TTLL5: variants seen among roughly 807,000 people sequenced by gnomAD.
TTLL5 encodes the protein tubulin tyrosine ligase like 5, also known as tubulin polyglutamylase TTLL5.
Under a neutral mutation model 168.4 loss-of-function variants are expected in TTLL5, and 132 were observed. That is an observed-to-expected ratio of 0.78 (90% CI 0.68 to 0.91). TTLL5 has a LOEUF of 0.91. TTLL5 is among the 40% of genes least tolerant of loss of function. The pLI, the probability that TTLL5 is intolerant of heterozygous loss-of-function variation, is 0.00. For synonymous variants in TTLL5, 546 were observed against 558.6 expected (o/e 0.98, Z 0.32); for missense variants, 1,545 against 1,581.5 (o/e 0.98, Z 0.39).
rs1431631914 is a variant in TTLL5 at position 75,776,903 on chromosome 14, C to G, written c.2387+53C>G. On this transcript the variant is annotated intron_variant, in intron 23 of 31. Coordinates refer to ENST00000298832, the MANE Select transcript of TTLL5 (RefSeq NM_015072.5). Reference sequence around the variant, plus strand: ...CTGTCTTATTCCATCTTCCATAATGCTCATTGAGTACCCAGCATTCCTTTG... The same window carrying G: ...CTGTCTTATTCCATCTTCCATAATGGTCATTGAGTACCCAGCATTCCTTTG... 2.5e-5 allele frequency: 35 copies of G among 1,377,580 alleles called. No individual in the cohort carries two copies. The East Asian group carries it at 8.1e-4, about 32-fold the overall frequency. 85.3% of individuals were successfully genotyped at this position (1,377,580 alleles called of 1,614,324 possible).
intron 28 of TTLL5, among the ~76,000 whole-genome samples, chr14:75,861,594 A>G (rs572477736): frequency 6.6e-6 from 1 of 152,300 alleles, no homozygotes. Flanking sequence ...TTAAATCACT[A>G]TGAATACTTT....
intron 3 of TTLL5, among the ~76,000 whole-genome samples, chr14:75,680,160 AAG>A (rs1884491610): frequency 6.6e-6 from 1 of 152,214 alleles, no homozygotes; most frequent in African/African-American, 2.4e-5. Flanking sequence ...GGTGCATAGA[AAG>A]AGATTGAATT....
At chr14:75,883,789 G>A (rs1201582293) in intron 30 of TTLL5, among the ~76,000 whole-genome samples, 2 of 152,246 alleles carry the variant, frequency 1.3e-5, no homozygotes, top group African/African-American at 4.8e-5. Flanking sequence ...GTTCTGGGAA[G>A]AGCTGGCATT....
rs773979011 is a variant in TTLL5 at position 75,775,652 on chromosome 14, T to C, written c.2283+22T>C. The C allele has an allele frequency of 5.6e-6, 9 of 1,613,210 alleles. No homozygotes were observed. The South Asian group carries it at 7.7e-5, about 14-fold the overall frequency. On this transcript the variant is annotated intron_variant, in intron 22 of 31. Transcript: ENST00000298832. ...CAAGGTAAGTCTTTTTCTGTTAGTC[T>C]TGTGCTTTGGATTGCCATACACTGT...
chr14:75,941,251 A>T (rs965541009), intron 31 of TTLL5, among the ~76,000 whole-genome samples: 1 of 152,170 alleles, frequency 6.6e-6, no homozygotes, highest in Non-Finnish European at 1.5e-5. Context: ...GCAAGGTTTC[A>T]TGAAATGGAT....
At chr14:75,791,387 A>G (rs1024094234) in intron 26 of TTLL5, among the ~76,000 whole-genome samples, 6 of 152,186 alleles carry the variant, frequency 3.9e-5, no homozygotes. Flanking sequence ...TTTCAGCTGT[A>G]TTTATCTAGG....
intron 18 of TTLL5, among the ~76,000 whole-genome samples, chr14:75,754,512 T>C (rs892170562): frequency 2.6e-5 from 4 of 152,184 alleles, no homozygotes; most frequent in Non-Finnish European, 4.4e-5. Flanking sequence ...GATCTTTCTA[T>C]ACTTGAATTT....
intron 30 of TTLL5, among the ~76,000 whole-genome samples, chr14:75,889,842 AAAG>A (rs201514910): frequency 0.027 from 2,857 of 106,852 alleles, 128 homozygotes; most frequent in African/African-American, 0.069. Context: ...AAAAAAAAAA[AAAG>A]AGGAAGGAAG....
At chr14:75,663,311 C>A (rs969272011) in intron 2 of TTLL5, 88 bp downstream of exon 2, 1 of 1,264,112 alleles carries the variant, frequency 7.9e-7, no homozygotes, top group Admixed American at 2.1e-5. Context: ...ATACTCTTCT[C>A]TTTTACTTAT....
intron 29 of TTLL5, among the ~76,000 whole-genome samples, chr14:75,870,235 G>T (rs1035753412): frequency 6.6e-6 from 1 of 150,486 alleles, no homozygotes; most frequent in Non-Finnish European, 1.5e-5. Flanking sequence ...CTGCACTTAG[G>T]CCTAGACGTC....
chr14:75,726,951 T>C (rs1277252700), intron 12 of TTLL5, among the ~76,000 whole-genome samples: 1 of 152,194 alleles, frequency 6.6e-6, no homozygotes, highest in East Asian at 1.9e-4. Context: ...TTACTAGCAA[T>C]GACTGACTTA....
rs1890864288 is a variant in TTLL5, at chr14:75,663,184, C to G, written c.35C>G (p.Thr12Arg). 2 of 1,613,574 alleles carry G rather than the reference C, an allele frequency of 1.2e-6. No homozygotes were observed. Among genetic ancestry groups the G allele is most frequent in the African/African-American group, 1.3e-5 (1 of 74,910 alleles). ...GTGATGGCCCGGGACCTGGAGGAAA[C>G]AGCATCATCCTCAGAGGATGAGGAG... ...PIVMARDLEE[T>R]ASSSEDEEVI... is the part of the protein sequence containing the mutation. Residue 12 changes from threonine to arginine, a missense_variant, in exon 2 of 32, where the codon ACA (threonine) becomes AGA (arginine). By Grantham distance (71) the Thr-to-Arg change is moderately conservative (BLOSUM62 -1). Coordinates refer to ENST00000298832, the MANE Select transcript of TTLL5 (RefSeq NM_015072.5).
intron 31 of TTLL5, among the ~76,000 whole-genome samples, chr14:75,914,041 T>A (rs867988992): frequency 0.013 from 676 of 51,252 alleles, 38 homozygotes; most frequent in African/African-American, 0.039. Flanking sequence ...AAAATATATA[T>A]ATATATATAT....
chr14:75,934,472 A>G (rs752428255), intron 31 of TTLL5, among the ~76,000 whole-genome samples: 10 of 152,232 alleles, frequency 6.6e-5, no homozygotes, highest in Non-Finnish European at 1.3e-4. Context: ...GATTGTTATG[A>G]TCTGTAAGAT....
At chr14:75,826,463 T>C (rs1235471860) in intron 28 of TTLL5, among the ~76,000 whole-genome samples, 1 of 151,568 alleles carries the variant, frequency 6.6e-6, no homozygotes, top group African/African-American at 2.4e-5. Flanking sequence ...AAAAAAAGAG[T>C]ATGTAAGGAT....
At chr14:75,683,804 C>T (rs1267572847) in intron 5 of TTLL5, 148 bp downstream of exon 5, 17 of 541,124 alleles carry the variant, frequency 3.1e-5, no homozygotes, top group South Asian at 2.0e-4. Context: ...AGATGAGTAT[C>T]GCTCTGTCAC....
intron 3 of TTLL5, among the ~76,000 whole-genome samples, chr14:75,678,973 T>C (rs1280999407): frequency 6.6e-6 from 1 of 152,260 alleles, no homozygotes; most frequent in Non-Finnish European, 1.5e-5. Context: ...TTATAGTTTT[T>C]GTAAAATGGT....
At chr14:75,753,506 T>C (rs558598285) in intron 18 of TTLL5, among the ~76,000 whole-genome samples, 1 of 152,188 alleles carries the variant, frequency 6.6e-6, no homozygotes, top group Non-Finnish European at 1.5e-5. Context: ...ATAACTGCAT[T>C]GCAGTACAGT....
rs1221480062 is a variant in TTLL5 at position 75,716,081 on chromosome 14, C to CGGGG, written c.741-1779_741-1776dup. ...GTCTGGCTGAGGCAGGCAGCCAGCA[C>CGGGG]GGGGCCCCTTTGCATCTCACAAGAA... On this transcript the variant is annotated intron_variant, in intron 9 of 31. Coordinates refer to ENST00000298832, the MANE Select transcript of TTLL5 (RefSeq NM_015072.5). Among the ~76,000 whole-genome samples, 10 of 152,244 alleles carry CGGGG rather than the reference C, an allele frequency of 6.6e-5. No homozygotes were observed. The East Asian group carries it at 1.9e-3, about 29-fold the overall frequency.
Sources: gnomAD v4.1 joint callset for allele counts (sites outside exome capture counted in the v4.1 genomes callset) on GRCh38, gnomAD v4.1.1 for gene constraint, MANE v1.5 for transcripts, NCBI Gene and HGNC (gene_info 2026-07-23, HGNC 2026-07-21) for gene names.